Variants in ERC2 observed in about 807,000 individuals in gnomAD.
The protein encoded by ERC2 is ELKS/RAB6-interacting/CAST family member 2.
A neutral mutation model predicts 114.8 loss-of-function variants in ERC2; 42 were observed. The ratio of observed to expected loss-of-function variants is 0.37; its 90% CI spans 0.29 to 0.47. The LOEUF is 0.47. Among genes scored for constraint, ERC2 ranks in the 20% least tolerant of loss-of-function variants. The pLI, the probability that ERC2 is intolerant of heterozygous loss-of-function variation, is 0.99. For missense variants in ERC2, 939 were observed against 1,150.7 expected, an observed-to-expected ratio of 0.82 and a Z score of 2.66; for synonymous variants, 454 against 425.5, an observed-to-expected ratio of 1.07 and a Z score of -0.82.
At chr3:55,553,642 T>C (rs2055390168) in intron 17 of ERC2, among the ~76,000 whole-genome samples, 2 of 151,954 alleles carry the variant, frequency 1.3e-5, no homozygotes, top group African/African-American at 4.8e-5. Flanking sequence ...TAGCTGGGCG[T>C]AGTGGCGGGC....
At chr3:55,814,250 A>G (rs111448466) in intron 14 of ERC2, among the ~76,000 whole-genome samples, 3 of 152,280 alleles carry the variant, frequency 2.0e-5, no homozygotes, top group African/African-American at 4.8e-5. Context: ...GCATAATCCA[A>G]CCTTCAGGGT....
At chr3:55,563,137 A>T (rs781113184) in intron 17 of ERC2, among the ~76,000 whole-genome samples, 14 of 152,218 alleles carry the variant, frequency 9.2e-5, no homozygotes, top group Non-Finnish European at 1.6e-4. Flanking sequence ...GACTGTACAC[A>T]TATGAAGAGG....
intron 15 of ERC2, among the ~76,000 whole-genome samples, chr3:55,725,752 G>C (rs2064871546): frequency 1.3e-5 from 2 of 152,228 alleles, no homozygotes; most frequent in Non-Finnish European, 2.9e-5. Flanking sequence ...AGGTCAGCTT[G>C]ATGCTCTGGG....
intron 14 of ERC2, among the ~76,000 whole-genome samples, chr3:55,780,484 A>G (rs997336868): frequency 4.6e-5 from 7 of 152,250 alleles, no homozygotes; most frequent in African/African-American, 1.7e-4. Flanking sequence ...ATAAATAGAC[A>G]TAACAAAAAA....
intron 2 of ERC2, among the ~76,000 whole-genome samples, chr3:56,374,463 G>T (rs930179033): frequency 6.6e-6 from 1 of 152,104 alleles, no homozygotes; most frequent in African/African-American, 2.4e-5. Context: ...ATTACACTTA[G>T]TACTTGTGAT....
intron 14 of ERC2, among the ~76,000 whole-genome samples, chr3:55,735,722 C>T (rs975453078): frequency 9.2e-5 from 14 of 152,168 alleles, no homozygotes; most frequent in African/African-American, 3.4e-4. Context: ...AGATACTCTG[C>T]GAAAACCCCC....
chr3:55,932,487 G>A (rs112928720), intron 13 of ERC2, among the ~76,000 whole-genome samples: 403 of 152,206 alleles, frequency 2.6e-3, no homozygotes, highest in African/African-American at 9.2e-3. Flanking sequence ...GGCTGTGCTC[G>A]TTCTCACCTC....
chr3:55,573,338 A>T (rs925324901), intron 17 of ERC2, among the ~76,000 whole-genome samples: 4 of 152,232 alleles, frequency 2.6e-5, no homozygotes, highest in Non-Finnish European at 5.9e-5. Flanking sequence ...TGATGCATTT[A>T]GCATGAAGCC....
intron 14 of ERC2, among the ~76,000 whole-genome samples, chr3:55,795,683 G>C (rs1394077437): frequency 6.6e-6 from 1 of 152,170 alleles, no homozygotes; most frequent in African/African-American, 2.4e-5. Context: ...AGAGGGACTG[G>C]ATATCAGCTC....
At chr3:56,029,394 G>C (rs1306305096) in intron 7 of ERC2, among the ~76,000 whole-genome samples, 1 of 151,990 alleles carries the variant, frequency 6.6e-6, no homozygotes, top group Non-Finnish European at 1.5e-5. Flanking sequence ...GGGAGAAATT[G>C]AGTAAAATTA....
At chr3:56,400,187 A>G (rs2130881) in intron 2 of ERC2, among the ~76,000 whole-genome samples, 141,189 of 152,190 alleles carry the variant, frequency 0.93, 65,604 homozygotes, top group East Asian at 0.97. Flanking sequence ...AGACTAAAAC[A>G]TTTATGGAGG....
intron 17 of ERC2, among the ~76,000 whole-genome samples, chr3:55,628,669 G>A (rs2059620128): frequency 6.6e-6 from 1 of 152,142 alleles, no homozygotes; most frequent in Non-Finnish European, 1.5e-5. Flanking sequence ...GGCTCAGTAG[G>A]AAAGGCCTGG....
At chr3:55,893,481 C>T (rs1451830408) in intron 13 of ERC2, among the ~76,000 whole-genome samples, 1 of 152,120 alleles carries the variant, frequency 6.6e-6, no homozygotes, top group Non-Finnish European at 1.5e-5. Context: ...TCACTTCCAT[C>T]TGGATGTCCT....
At chr3:56,217,544 G>A (rs552842111) in intron 3 of ERC2, among the ~76,000 whole-genome samples, 14 of 152,100 alleles carry the variant, frequency 9.2e-5, no homozygotes, top group African/African-American at 3.1e-4. Flanking sequence ...AATCAATATC[G>A]TGAAAATGGC....
chr3:56,468,213 A>C (rs1484484382), intron 1 of ERC2, 35 bp downstream of exon 1: 2 of 151,644 alleles, frequency 1.3e-5, no homozygotes, highest in East Asian at 3.9e-4. Context: ...GGAGCCGGGC[A>C]CCAGGCGGCC....
At chr3:55,853,970 C>T (rs2061679291) in intron 14 of ERC2, among the ~76,000 whole-genome samples, 1 of 152,150 alleles carries the variant, frequency 6.6e-6, no homozygotes, top group Non-Finnish European at 1.5e-5. Context: ...ATCACAAGGC[C>T]TAATTCCACA....
chr3:56,155,420 A>T (rs2081652931), intron 4 of ERC2, among the ~76,000 whole-genome samples: 1 of 151,942 alleles, frequency 6.6e-6, no homozygotes, highest in African/African-American at 2.4e-5. Context: ...CTTTGATATC[A>T]TGTATTGAGA....
chr3:56,414,215 C>G (rs55663125), intron 2 of ERC2, among the ~76,000 whole-genome samples: 9,066 of 152,266 alleles, frequency 0.06, 342 homozygotes, highest in South Asian at 0.15. Context: ...CTACTGGGAA[C>G]TTTTCTGCCT....
chr3:55,653,564 AGT>A (rs36231107), intron 17 of ERC2, among the ~76,000 whole-genome samples: 3,863 of 141,062 alleles, frequency 0.027, 110 homozygotes, highest in African/African-American at 0.077. Flanking sequence ...ACCTGGTAAA[AGT>A]GTGTGTGTGT....
Sources: allele counts gnomAD v4.1 joint callset (sites outside exome capture counted in the v4.1 genomes callset), GRCh38; gene constraint gnomAD v4.1.1; transcripts MANE v1.5; gene names NCBI Gene and HGNC (gene_info 2026-07-23, HGNC 2026-07-21).